The following TPP2 variants were observed in gnomAD, a reference collection of about 807,000 sequenced individuals.
The protein encoded by TPP2 is tripeptidyl peptidase 2.
In TPP2, 34 loss-of-function variants were observed where a neutral mutation model predicts 155.9. That is an observed-to-expected ratio of 0.22 (90% CI 0.17 to 0.29). The LOEUF (loss-of-function observed/expected upper bound fraction) is 0.29, where lower values mean the gene tolerates loss of function less well. Ranked by LOEUF, TPP2 falls within the 10% of genes least tolerant of loss-of-function variation. The probability of loss-of-function intolerance (pLI) is 1.00; values close to 1 mark genes in which losing one functional copy is unlikely to be tolerated. For missense variants in TPP2, 1,028 were observed against 1,522.3 expected (o/e 0.68, Z 5.40); for synonymous variants, 510 against 529.4 (o/e 0.96, Z 0.50).
chr13:102,651,375 AACG>A lies in TPP2; in HGVS notation c.2972_2974del (p.Arg991del). On this transcript the variant is annotated inframe_deletion, in exon 24 of 30. Coordinates refer to ENST00000376052, the MANE Select transcript of TPP2 (RefSeq NM_001330588.2). ...AACTCCCAGGGGCAGTCTGCAGCAA[AACG>A]ACAAGGAAAATTTAAAAAGGTACTG... The A allele has an allele frequency of 6.3e-7, 1 of 1,583,434 alleles. No homozygotes were observed. Among genetic ancestry groups the A allele is most frequent in the Non-Finnish European group, 8.6e-7 (1 of 1,163,800 alleles).
intron 10 of TPP2, among the ~76,000 whole-genome samples, chr13:102,632,243 C>CTT (rs111570700): frequency 3.6e-4 from 53 of 146,884 alleles, no homozygotes; most frequent in African/African-American, 1.1e-3. Flanking sequence ...TTTCATGAGA[C>CTT]TTTTTTTTTT....
chr13:102,599,030 G>T (rs1489162558), intron 1 of TPP2, among the ~76,000 whole-genome samples: 7 of 152,098 alleles, frequency 4.6e-5, no homozygotes. Context: ...TAAGGTTTGG[G>T]GTGTGATTGA....
At chr13:102,642,430 T>G (rs1029512636) in intron 16 of TPP2, among the ~76,000 whole-genome samples, 6 of 152,142 alleles carry the variant, frequency 3.9e-5, no homozygotes, top group African/African-American at 1.4e-4. Context: ...GAAAATAATT[T>G]GTTTTTTTAA....
At chr13:102,612,819 T>TAA (rs1880426317) in intron 2 of TPP2, among the ~76,000 whole-genome samples, 1 of 152,240 alleles carries the variant, frequency 6.6e-6, no homozygotes, top group Non-Finnish European at 1.5e-5. Context: ...AAATTGTGAT[T>TAA]AAATATAACT....
At position 102,635,672 on chromosome 13, in the gene TPP2, A is replaced by G. The variant is rs760707396; in HGVS notation, c.1479A>G (p.Glu493=). 2.3e-5 allele frequency: 37 copies of G among 1,613,170 alleles called. No homozygotes were observed. The highest frequency in any genetic ancestry group is 2.5e-6 in the Non-Finnish European group (3 of 1,179,730). The change falls in exon 12 of 30, where the codon GAA becomes GAG. Residue 493 remains glutamate, a synonymous_variant. Coordinates refer to ENST00000376052, the MANE Select transcript of TPP2 (RefSeq NM_001330588.2). ...CTGCAGTGAAGGCTGACAATATAGAAGTATTTGCTCAAGGACATGGTATTA... is the reference window on the plus strand; with the variant it reads ...CTGCAGTGAAGGCTGACAATATAGAGGTATTTGCTCAAGGACATGGTATTA... ...ENTAVKADNI[E]VFAQGHGIIQ...
chr13:102,648,661 T>C (rs662130), intron 21 of TPP2, among the ~76,000 whole-genome samples: 75,318 of 151,772 alleles, frequency 0.5, 19,077 homozygotes, highest in African/African-American at 0.6. Context: ...AGACCTGACT[T>C]CAGCTCTCTT....
At chr13:102,614,045 C>CA in intron 2 of TPP2, 56 bp from the exon 3 acceptor site, 8 of 1,487,546 alleles carry the variant, frequency 5.4e-6, no homozygotes, top group African/African-American at 1.4e-5. Flanking sequence ...AGTAGTGTAT[C>CA]ATTGGAATTG....
intron 1 of TPP2, among the ~76,000 whole-genome samples, chr13:102,603,490 A>G (rs1456911828): frequency 1.3e-5 from 2 of 152,226 alleles, no homozygotes; most frequent in Non-Finnish European, 1.5e-5. Flanking sequence ...ATCCTGTGGA[A>G]CAACTGAAGA....
chr13:102,633,269 G>A (rs181575383), intron 10 of TPP2, among the ~76,000 whole-genome samples: 132 of 152,302 alleles, frequency 8.7e-4, no homozygotes, highest in African/African-American at 3.0e-3. Context: ...GGACAGTCCT[G>A]TTAGACTTCA....
intron 17 of TPP2, among the ~76,000 whole-genome samples, chr13:102,643,949 C>G (rs117971368): frequency 1.8e-3 from 268 of 152,286 alleles, no homozygotes; most frequent in Non-Finnish European, 2.6e-3. Flanking sequence ...CTCTTGGTTT[C>G]TGGTTACTTT....
At chr13:102,597,609 C>A (rs932581252) in intron 1 of TPP2, among the ~76,000 whole-genome samples, 1 of 152,254 alleles carries the variant, frequency 6.6e-6, no homozygotes, top group African/African-American at 2.4e-5. Context: ...CTCTGCCTAC[C>A]CCTCGTGCCT....
At chr13:102,611,558 C>T (rs767645788) in intron 2 of TPP2, among the ~76,000 whole-genome samples, 12 of 152,116 alleles carry the variant, frequency 7.9e-5, no homozygotes, top group Admixed American at 2.0e-4. Context: ...CACCTGAATC[C>T]CAGCTACTAG....
Sources: allele counts gnomAD v4.1 joint callset (sites outside exome capture counted in the v4.1 genomes callset), GRCh38; gene constraint gnomAD v4.1.1; transcripts MANE v1.5; gene names NCBI Gene and HGNC (gene_info 2026-07-23, HGNC 2026-07-21).